The following NEK11 variants were observed in gnomAD, a reference collection of about 807,000 sequenced individuals.
The protein encoded by NEK11 is serine/threonine-protein kinase Nek11.
NEK11 carries 72 observed loss-of-function variants against 80.7 expected under a neutral mutation model. The ratio of observed to expected loss-of-function variants is 0.89; its 90% CI spans 0.74 to 1.08. The LOEUF is 1.08. NEK11 is among the 50% of genes least tolerant of loss of function. The pLI is 0.00. For missense variants in NEK11, 764 were observed against 763.6 expected, an observed-to-expected ratio of 1.00 and a Z score of -0.01; for synonymous variants, 251 against 260.7, an observed-to-expected ratio of 0.96 and a Z score of 0.36.
chr3:131,338,424 A>C (rs4535198), intron 17 of NEK11, among the ~76,000 whole-genome samples: 18,131 of 152,044 alleles, frequency 0.12, 1,525 homozygotes, highest in East Asian at 0.3. Flanking sequence ...AACGGCTGAG[A>C]AGCAATAAGC....
intron 4 of NEK11, among the ~76,000 whole-genome samples, chr3:131,094,504 A>C (rs1372202001): frequency 6.6e-6 from 1 of 152,182 alleles, no homozygotes; most frequent in Non-Finnish European, 1.5e-5. Context: ...CAGTCAATTC[A>C]GTTAGCTTTG....
At chr3:131,181,134 T>A (rs751793468) in intron 14 of NEK11, among the ~76,000 whole-genome samples, 29 of 152,194 alleles carry the variant, frequency 1.9e-4, no homozygotes, top group Non-Finnish European at 3.5e-4. Flanking sequence ...GAACTAAGGT[T>A]GCTAATCAGA....
intron 10 of NEK11, among the ~76,000 whole-genome samples, chr3:131,160,202 G>A (rs1476933288): frequency 6.6e-6 from 1 of 152,136 alleles, no homozygotes; most frequent in Non-Finnish European, 1.5e-5. Flanking sequence ...ACATACAAAG[G>A]GAAGCCCATC....
At chr3:131,318,795 AATGGCAT>A (rs2096869557) in intron 17 of NEK11, among the ~76,000 whole-genome samples, 1 of 150,956 alleles carries the variant, frequency 6.6e-6, no homozygotes, top group Non-Finnish European at 1.5e-5. Flanking sequence ...ATTTATATCC[AATGGCAT>A]ATTCTATAGC....
intron 5 of NEK11, among the ~76,000 whole-genome samples, chr3:131,119,281 T>C (rs1578571057): frequency 6.6e-6 from 1 of 152,220 alleles, no homozygotes; most frequent in East Asian, 1.9e-4. Context: ...TGAGCGGTTT[T>C]GAGTGAGTTT....
chr3:131,225,113 G>A (rs1473507783), intron 14 of NEK11, among the ~76,000 whole-genome samples: 1 of 152,168 alleles, frequency 6.6e-6, no homozygotes, highest in Non-Finnish European at 1.5e-5. Flanking sequence ...GCAACTTCCA[G>A]TCCTGCGTGC....
At chr3:131,307,982 A>C (rs559166717) in intron 17 of NEK11, among the ~76,000 whole-genome samples, 13 of 152,360 alleles carry the variant, frequency 8.5e-5, no homozygotes, top group African/African-American at 3.1e-4. Context: ...CACTTTTTAA[A>C]ATTAAAAATA....
chr3:131,281,525 T>C (rs1371257823), intron 17 of NEK11, among the ~76,000 whole-genome samples: 3 of 152,226 alleles, frequency 2.0e-5, no homozygotes, highest in African/African-American at 7.2e-5. Context: ...ATACGAGTAT[T>C]TGCAGTCTTT....
chr3:131,120,434 G>C (rs1278086110), intron 5 of NEK11, among the ~76,000 whole-genome samples: 1 of 152,072 alleles, frequency 6.6e-6, no homozygotes, highest in African/African-American at 2.4e-5. Context: ...TTCAACTTTG[G>C]TGAAACTGAT....
At chr3:131,213,460 A>T (rs1356338364) in intron 14 of NEK11, among the ~76,000 whole-genome samples, 1 of 152,218 alleles carries the variant, frequency 6.6e-6, no homozygotes, top group Non-Finnish European at 1.5e-5. Context: ...CAGCAATTAT[A>T]CAAGTTGCTA....
chr3:131,202,201 G>A (rs1349062397), intron 14 of NEK11, among the ~76,000 whole-genome samples: 1 of 152,122 alleles, frequency 6.6e-6, no homozygotes, highest in Non-Finnish European at 1.5e-5. Flanking sequence ...GGTGATTTCT[G>A]CATTTCCAAC....
intron 3 of NEK11, among the ~76,000 whole-genome samples, chr3:131,039,690 G>A (rs567468111): frequency 2.0e-5 from 3 of 152,256 alleles, no homozygotes; most frequent in Non-Finnish European, 2.9e-5. Flanking sequence ...CCACCCTTAA[G>A]TAACTTGAAA....
chr3:131,110,830 G>A (rs769273980), intron 5 of NEK11, among the ~76,000 whole-genome samples: 10 of 152,018 alleles, frequency 6.6e-5, no homozygotes, highest in African/African-American at 9.7e-5. Context: ...TCTGTAATTC[G>A]CCATGTATCT....
intron 17 of NEK11, among the ~76,000 whole-genome samples, chr3:131,346,764 A>G (rs1203714305): frequency 6.6e-6 from 1 of 152,112 alleles, no homozygotes; most frequent in African/African-American, 2.4e-5. Flanking sequence ...GCTGGTAAGT[A>G]TGGTGGGAGG....
At chr3:131,196,128 CT>C (rs1041638571) in intron 14 of NEK11, among the ~76,000 whole-genome samples, 10 of 151,896 alleles carry the variant, frequency 6.6e-5, no homozygotes, top group Admixed American at 1.3e-4. Context: ...TCTTAAATGT[CT>C]TTTCAAATAC....
intron 4 of NEK11, among the ~76,000 whole-genome samples, chr3:131,080,905 C>T (rs1265143689): frequency 1.3e-5 from 2 of 152,036 alleles, no homozygotes; most frequent in East Asian, 1.9e-4. Context: ...TCCAGGAGTT[C>T]GAGACCAGAC....
chr3:131,305,599 C>G (rs980691689), intron 17 of NEK11, among the ~76,000 whole-genome samples: 1 of 152,184 alleles, frequency 6.6e-6, no homozygotes, highest in Non-Finnish European at 1.5e-5. Context: ...GATGTTTCTA[C>G]ACCAAACCCT....
intron 16 of NEK11, among the ~76,000 whole-genome samples, chr3:131,267,526 T>C (rs2096083745): frequency 6.6e-6 from 1 of 152,228 alleles, no homozygotes; most frequent in African/African-American, 2.4e-5. Context: ...CCCCACTCTC[T>C]TCTGGCTTGT....
At chr3:131,079,739 G>C (rs1421730789) in intron 3 of NEK11, among the ~76,000 whole-genome samples, 2 of 152,060 alleles carry the variant, frequency 1.3e-5, no homozygotes, top group East Asian at 3.9e-4. Flanking sequence ...CTCTATTAAT[G>C]TTTTTAGTTA....
Sources: allele counts gnomAD v4.1 joint callset (sites outside exome capture counted in the v4.1 genomes callset), GRCh38; gene constraint gnomAD v4.1.1; transcripts MANE v1.5; gene names NCBI Gene and HGNC (gene_info 2026-07-23, HGNC 2026-07-21).